Variants in SP140 observed in about 807,000 individuals in gnomAD.
The protein encoded by SP140 is nuclear body protein SP140.
A neutral mutation model predicts 125.0 loss-of-function variants in SP140; 81 were observed. That is an observed-to-expected ratio of 0.65 (90% CI 0.54 to 0.78). The LOEUF (loss-of-function observed/expected upper bound fraction) is 0.78. Among genes scored for constraint, SP140 ranks in the 30% least tolerant of loss-of-function variants. The probability of loss-of-function intolerance (pLI) is 0.00; values close to 1 mark genes in which losing one functional copy is unlikely to be tolerated. For synonymous variants in SP140, 312 were observed against 354.0 expected, an observed-to-expected ratio of 0.88 and a Z score of 1.33; for missense variants, 858 against 1,037.0, an observed-to-expected ratio of 0.83 and a Z score of 2.37.
intron 21 of SP140, among the ~76,000 whole-genome samples, chr2:230,295,222 C>A (rs1252471434): frequency 6.6e-6 from 1 of 152,224 alleles, no homozygotes; most frequent in African/African-American, 2.4e-5. Context: ...TAGAAATACG[C>A]ATTCAAGACA....
Position 230,241,393 on chromosome 2 carries a change from G to A in SP140, c.407-11G>A, listed in dbSNP as rs545379894. The A allele has an allele frequency of 1.7e-5, 27 of 1,548,186 alleles. No individual in the cohort carries two copies. In the African/African-American group the frequency reaches 3.4e-4, roughly 19 times the overall value. ...GTCTGAGTTTGGTAATTTTCACATT[G>A]TTTTCCTCAGTATGCTATGAACACT... On this transcript the variant is annotated splice_polypyrimidine_tract_variant and intron_variant, in intron 3 of 26. Coordinates refer to ENST00000392045, the MANE Select transcript of SP140 (RefSeq NM_007237.5).
At chr2:230,292,581 G>C in intron 19 of SP140, 65 bp from the exon 20 acceptor site, 1 of 1,600,760 alleles carries the variant, frequency 6.2e-7, no homozygotes, top group Non-Finnish European at 8.5e-7. Context: ...CCAGTGTGGT[G>C]AGTGGCCATA....
chr2:230,247,770 T>G (rs1463483473), intron 7 of SP140, 146 bp from the exon 8 acceptor site: 6 of 698,630 alleles, frequency 8.6e-6, no homozygotes, highest in Admixed American at 2.5e-5. Flanking sequence ...TTCTGATGAC[T>G]CTTTCTCATC....
rs773577577 is a variant in SP140, at chr2:230,297,485, G to A, written c.2058+23G>A. The A allele has an allele frequency of 2.7e-5, 43 of 1,612,378 alleles. No individual in the cohort carries two copies. In the East Asian group the frequency reaches 3.8e-4, roughly 14 times the overall value. On this transcript the variant is annotated intron_variant, in intron 22 of 26. Coordinates refer to ENST00000392045, the MANE Select transcript of SP140 (RefSeq NM_007237.5). ...TGTGTAAGTACAAATTCTGAACTAC[G>A]ACCCCCAGAATATTCCACTCCTTTC... is the stretch of plus-strand genomic sequence containing the variant.
intron 1 of SP140, among the ~76,000 whole-genome samples, chr2:230,228,961 A>G (rs2046852715): frequency 6.6e-6 from 1 of 151,890 alleles, no homozygotes; most frequent in Non-Finnish European, 1.5e-5. Flanking sequence ...TATCGTTTTT[A>G]TCTTTTCTTC....
intron 26 of SP140, among the ~76,000 whole-genome samples, chr2:230,312,346 C>G (rs1457209282): frequency 1.3e-5 from 2 of 152,150 alleles, no homozygotes; most frequent in Non-Finnish European, 2.9e-5. Context: ...CAAATGTACT[C>G]ACCACAAAAA....
chr2:230,241,435 T>C lies in SP140; in HGVS notation c.438T>C (p.Asn146=). ...VCYEHSPLQM[N]NVNDLEDRPR... Reference sequence around the variant, plus strand: ...ATGAACACTCACCTCTCCAAATGAATAATGTAAACGATTTAGAAGATAGAC... The same window carrying C: ...ATGAACACTCACCTCTCCAAATGAACAATGTAAACGATTTAGAAGATAGAC... The change falls in exon 4 of 27, where the codon AAT becomes AAC. Residue 146 remains asparagine (N), a synonymous_variant. Transcript: ENST00000392045. 4 of 1,599,408 alleles carry C rather than the reference T, an allele frequency of 2.5e-6. No homozygotes were observed. The highest frequency in any genetic ancestry group is 3.4e-6 in the Non-Finnish European group (4 of 1,166,664).
At chr2:230,316,161 A>C (rs1205530989), downstream of SP140, among the ~76,000 whole-genome samples, 7 of 152,218 alleles carry the variant, frequency 4.6e-5, no homozygotes, top group South Asian at 2.1e-4. Context: ...CATGGGCCTG[A>C]TAAGTGAGAA....
intron 1 of SP140, among the ~76,000 whole-genome samples, chr2:230,226,544 A>G (rs1041957162): frequency 6.6e-6 from 1 of 152,106 alleles, no homozygotes; most frequent in Non-Finnish European, 1.5e-5. Flanking sequence ...AATCATCTTT[A>G]AAAAATGTAA....
At chr2:230,227,140 T>C (rs1034700473) in intron 1 of SP140, among the ~76,000 whole-genome samples, 3 of 151,972 alleles carry the variant, frequency 2.0e-5, no homozygotes, top group African/African-American at 7.3e-5. Context: ...AAAATGAAAA[T>C]GTGTGGAATG....
chr2:230,209,803 G>A, intron 1 of SP140: 1 of 729,292 alleles, frequency 1.4e-6, no homozygotes, highest in Non-Finnish European at 2.5e-6. Context: ...GGAAACTGCA[G>A]AAACGAACTG....
intron 3 of SP140, among the ~76,000 whole-genome samples, chr2:230,220,634 G>A (rs1264770827): frequency 6.6e-6 from 1 of 152,126 alleles, no homozygotes. Flanking sequence ...GTAACTCAAG[G>A]GCTGGCAGGG....
intron 10 of SP140, 137 bp from the exon 11 acceptor site, chr2:230,253,179 G>A (rs141553384): frequency 4.5e-6 from 3 of 660,092 alleles, no homozygotes; most frequent in Non-Finnish European, 8.1e-6. Flanking sequence ...CTGAGAATTA[G>A]AGAGAAGGAG....
At chr2:230,270,010 C>A (rs1017050776) in intron 14 of SP140, 57 bp downstream of exon 14, 29 of 1,133,980 alleles carry the variant, frequency 2.6e-5, no homozygotes, top group Non-Finnish European at 3.2e-5. Context: ...CACAGACCCC[C>A]AGTAGGGTGG....
intron 22 of SP140, among the ~76,000 whole-genome samples, chr2:230,308,280 G>A (rs915563956): frequency 6.6e-6 from 1 of 151,908 alleles, no homozygotes; most frequent in African/African-American, 2.4e-5. Flanking sequence ...TACACATTGG[G>A]TACAGCGTAC....
At chr2:230,245,622 T>C (rs1202917185) in intron 6 of SP140, among the ~76,000 whole-genome samples, 1 of 152,080 alleles carries the variant, frequency 6.6e-6, no homozygotes, top group African/African-American at 2.4e-5. Flanking sequence ...AGTTGGTTTA[T>C]GGTGCAGATG....
intron 21 of SP140, among the ~76,000 whole-genome samples, chr2:230,296,913 C>T (rs550948881): frequency 1.3e-5 from 2 of 152,276 alleles, no homozygotes; most frequent in African/African-American, 2.4e-5. Context: ...TACTTGCACA[C>T]TTTTTATTCT....
At chr2:230,241,214 T>A (rs2048678584) in intron 3 of SP140, among the ~76,000 whole-genome samples, 190 bp from the exon 4 acceptor site, 2 of 152,140 alleles carry the variant, frequency 1.3e-5, no homozygotes, top group African/African-American at 4.8e-5. Context: ...GAATCTTGAC[T>A]GGGATGTTGG....
chr2:230,218,310 C>T (rs1199068344), intron 3 of SP140, among the ~76,000 whole-genome samples: 1 of 152,184 alleles, frequency 6.6e-6, no homozygotes, highest in East Asian at 1.9e-4. Flanking sequence ...TCTCTTTCTC[C>T]TCATTCCCCA....
Sources: allele counts gnomAD v4.1 joint callset (sites outside exome capture counted in the v4.1 genomes callset), GRCh38; gene constraint gnomAD v4.1.1; transcripts MANE v1.5; gene names NCBI Gene and HGNC (gene_info 2026-07-23, HGNC 2026-07-21).